Variants in CCDC33 observed in about 807,000 individuals in gnomAD.
CCDC33 encodes the protein coiled-coil domain containing 33.
A neutral mutation model predicts 91.9 loss-of-function variants in CCDC33; 94 were observed. The observed-to-expected ratio is 1.02, with a 90% CI of 0.87 to 1.21. The LOEUF is 1.21. Among genes scored for constraint, CCDC33 ranks in the 50% most tolerant of loss-of-function variants. The pLI, the probability that CCDC33 is intolerant of heterozygous loss-of-function variation, is 0.00. For missense variants in CCDC33, 940 were observed against 935.5 expected, an observed-to-expected ratio of 1.00 and a Z score of -0.06; for synonymous variants, 396 against 374.5, an observed-to-expected ratio of 1.06 and a Z score of -0.66.
At chr15:74,210,051 A>T (rs1595871835) in intron 2 of CCDC33, among the ~76,000 whole-genome samples, 1 of 152,184 alleles carries the variant, frequency 6.6e-6, no homozygotes, top group African/African-American at 2.4e-5. Flanking sequence ...GCAGGGAGAG[A>T]GGGAGAGAGA....
chr15:74,208,643 C>T (rs1163103133), intron 1 of CCDC33, among the ~76,000 whole-genome samples: 1 of 152,138 alleles, frequency 6.6e-6, no homozygotes, highest in Admixed American at 6.5e-5. Flanking sequence ...GGTCTCCAAA[C>T]TTACTCATCA....
At chr15:74,237,777 C>T (rs2075216409) in intron 1 of CCDC33, among the ~76,000 whole-genome samples, 1 of 152,196 alleles carries the variant, frequency 6.6e-6, no homozygotes, top group Non-Finnish European at 1.5e-5. Flanking sequence ...CGTGGGAGTC[C>T]TGAGGAGGAG....
chr15:74,309,545 C>T (rs1280741011), intron 11 of CCDC33, among the ~76,000 whole-genome samples: 1 of 152,214 alleles, frequency 6.6e-6, no homozygotes, highest in Non-Finnish European at 1.5e-5. Flanking sequence ...CCCTTATCCC[C>T]AGGCTGGCTG....
chr15:74,298,402 C>G (rs1356150288), intron 11 of CCDC33, among the ~76,000 whole-genome samples: 1 of 152,096 alleles, frequency 6.6e-6, no homozygotes, highest in Admixed American at 6.6e-5. Flanking sequence ...TTTTCAACAT[C>G]TGAAAGAATA....
chr15:74,279,752 G>C (rs935771847), intron 7 of CCDC33, among the ~76,000 whole-genome samples: 1 of 152,174 alleles, frequency 6.6e-6, no homozygotes, highest in Non-Finnish European at 1.5e-5. Flanking sequence ...GGCCAGGCTG[G>C]TCTTGAACTC....
intron 1 of CCDC33, among the ~76,000 whole-genome samples, chr15:74,239,814 G>A (rs1376220050): frequency 2.7e-5 from 3 of 113,008 alleles, no homozygotes; most frequent in African/African-American, 1.1e-4. Context: ...ATGAGTTTGT[G>A]CAAACTGAGA....
At position 74,283,678 on chromosome 15, in the gene CCDC33, G is replaced by A. The variant is rs115211952; in HGVS notation, c.1095+1829G>A. 9.2e-3 allele frequency among the ~76,000 whole-genome samples: 1,404 copies of A among 152,018 alleles called. 14 individuals carry two copies. Among genetic ancestry groups the A allele is most frequent in the African/African-American group, 0.032 (1,329 of 41,434 alleles). On this transcript the variant is annotated intron_variant, in intron 10 of 18. Transcript: ENST00000398814. ...CCCCAACCCCCTCCCCCTGGAGGCG[G>A]GTAAAAAACCTTTTAGTAATGGATT...
In CCDC33 at chr15:74,210,375, G is replaced by C. The variant is rs533798555; in HGVS notation, n.236+841G>C. On this transcript the variant is annotated intron_variant and non_coding_transcript_variant, in intron 2 of 3. Coordinates refer to the CCDC33 transcript ENST00000558645. Reference sequence around the variant, plus strand: ...GAATGAGGTAATTCTCTGGACTGACGTGGCAGAACCTCCAAGACATATTGC... The same window carrying C: ...GAATGAGGTAATTCTCTGGACTGACCTGGCAGAACCTCCAAGACATATTGC... Among the ~76,000 whole-genome samples, 5 of 152,282 alleles carry C rather than the reference G, an allele frequency of 3.3e-5. No homozygotes were observed. In the South Asian group the frequency reaches 1.0e-3, roughly 32 times the overall value.
chr15:74,313,969 C>A (rs530274447), intron 11 of CCDC33, among the ~76,000 whole-genome samples: 1 of 152,168 alleles, frequency 6.6e-6, no homozygotes, highest in Non-Finnish European at 1.5e-5. Flanking sequence ...CCCTCCTTGC[C>A]GCGTGTCCTG....
At chr15:74,276,127 G>GT (rs2076442519) in intron 7 of CCDC33, among the ~76,000 whole-genome samples, 1 of 152,200 alleles carries the variant, frequency 6.6e-6, no homozygotes, top group Admixed American at 6.5e-5. Flanking sequence ...TGCCTTGCTG[G>GT]TATAAATGTG....
chr15:74,313,615 T>G (rs2060035214), intron 11 of CCDC33, among the ~76,000 whole-genome samples: 1 of 152,010 alleles, frequency 6.6e-6, no homozygotes, highest in Non-Finnish European at 1.5e-5. Flanking sequence ...AGACGGGGTT[T>G]CGCCATATTG....
At chr15:74,310,070 G>A (rs893377999) in intron 11 of CCDC33, among the ~76,000 whole-genome samples, 3 of 152,094 alleles carry the variant, frequency 2.0e-5, no homozygotes, top group African/African-American at 4.8e-5. Flanking sequence ...AGAATTGCTT[G>A]AGCCTAAGAG....
intron 2 of CCDC33, among the ~76,000 whole-genome samples, chr15:74,247,731 T>G (rs1049700792): frequency 1.3e-5 from 2 of 152,130 alleles, no homozygotes; most frequent in Non-Finnish European, 2.9e-5. Flanking sequence ...CTCTCAGTTT[T>G]GGGATGAGTA....
At chr15:74,317,686 GA>G (rs1291069904) in intron 11 of CCDC33, among the ~76,000 whole-genome samples, 8 of 152,172 alleles carry the variant, frequency 5.3e-5, no homozygotes, top group Admixed American at 1.3e-4. Flanking sequence ...GGTCCAGGTG[GA>G]GGGCCCTATC....
At chr15:74,276,517 C>A (rs2076454201) in intron 7 of CCDC33, among the ~76,000 whole-genome samples, 1 of 152,180 alleles carries the variant, frequency 6.6e-6, no homozygotes, top group Admixed American at 6.5e-5. Flanking sequence ...CCCCTTCCAT[C>A]CCCACAGACC....
At chr15:74,252,770 G>A (rs1265563597) in intron 2 of CCDC33, among the ~76,000 whole-genome samples, 1 of 152,202 alleles carries the variant, frequency 6.6e-6, no homozygotes, top group African/African-American at 2.4e-5. Flanking sequence ...CTGGGAACCA[G>A]GGTCTTCATC....
chr15:74,236,863 CA>C, intron 1 of CCDC33, 123 bp downstream of exon 1: 1 of 965,034 alleles, frequency 1.0e-6, no homozygotes, highest in Non-Finnish European at 1.6e-6. Flanking sequence ...TCTCAGTTTT[CA>C]CAGCTGTGAA....
chr15:74,323,342 T>C (rs1443393943), intron 11 of CCDC33, among the ~76,000 whole-genome samples: 2 of 151,872 alleles, frequency 1.3e-5, no homozygotes, highest in African/African-American at 2.4e-5. Context: ...ATTGAACATA[T>C]AGAACATAAT....
At chr15:74,280,224 A>C in intron 8 of CCDC33, 132 bp downstream of exon 8, 1 of 1,070,294 alleles carries the variant, frequency 9.3e-7, no homozygotes, top group Non-Finnish European at 1.3e-6. Flanking sequence ...CGGCTTCCTA[A>C]TGCAGGCAGA....
Sources: allele counts gnomAD v4.1 joint callset (sites outside exome capture counted in the v4.1 genomes callset), GRCh38; gene constraint gnomAD v4.1.1; transcripts MANE v1.5; gene names NCBI Gene and HGNC (gene_info 2026-07-23, HGNC 2026-07-21).